The following KLHL2 variants were observed in gnomAD, a reference collection of about 807,000 sequenced individuals.
The protein encoded by KLHL2 is kelch-like protein 2.
In KLHL2, 15 loss-of-function variants were observed where a neutral mutation model predicts 75.8. The observed-to-expected ratio is 0.20, with a 90% CI of 0.13 to 0.30. KLHL2 has a LOEUF of 0.30. Among genes scored for constraint, KLHL2 ranks in the 10% least tolerant of loss-of-function variants. The probability of loss-of-function intolerance (pLI) is 1.00; values close to 1 mark genes in which losing one functional copy is unlikely to be tolerated. For missense variants in KLHL2, 381 were observed against 741.0 expected (o/e 0.51, Z 5.64); for synonymous variants, 214 against 251.9 (o/e 0.85, Z 1.42).
intron 4 of KLHL2, among the ~76,000 whole-genome samples, chr4:165,261,952 T>C (rs1455764724): frequency 1.3e-5 from 2 of 152,244 alleles, no homozygotes; most frequent in Admixed American, 1.3e-4. Flanking sequence ...TTCTAAAATT[T>C]ACCATTGTTC....
chr4:165,294,148 C>G (rs189730252), intron 5 of KLHL2, among the ~76,000 whole-genome samples: 1 of 152,192 alleles, frequency 6.6e-6, no homozygotes, highest in African/African-American at 2.4e-5. Context: ...TGCACTGCTA[C>G]TGTGCTGTTG....
At chr4:165,291,387 AT>A (rs1744494758) in intron 5 of KLHL2, among the ~76,000 whole-genome samples, 1 of 152,052 alleles carries the variant, frequency 6.6e-6, no homozygotes, top group South Asian at 2.1e-4. Flanking sequence ...TTGATGTTGT[AT>A]CTAAAAAGTC....
At chr4:165,263,644 C>T (rs759432590) in intron 5 of KLHL2, among the ~76,000 whole-genome samples, 10 of 150,406 alleles carry the variant, frequency 6.6e-5, no homozygotes, top group Non-Finnish European at 1.5e-4. Context: ...TGCCCTGTCA[C>T]CCAGGCTGCG....
chr4:165,268,467 G>T (rs142653933), intron 5 of KLHL2, among the ~76,000 whole-genome samples: 2 of 151,952 alleles, frequency 1.3e-5, no homozygotes, highest in Non-Finnish European at 1.5e-5. Context: ...TAAATTTCCC[G>T]CTACACACTG....
In KLHL2 at chr4:165,322,786, G is replaced by A. The variant is rs547449498; in HGVS notation, c.*726G>A. On this transcript the variant is annotated 3_prime_UTR_variant, in exon 15 of 15. Coordinates refer to ENST00000226725, the MANE Select transcript of KLHL2 (RefSeq NM_007246.4). ...TGGTGTAACACACTTGAATATGTGT[G>A]ATGCCAAACTTTTTAAAATACAATA... 1 of 152,668 alleles carries A rather than the reference G, an allele frequency of 6.6e-6. No individual in the cohort carries two copies. The highest frequency in any genetic ancestry group is 2.4e-5 in the African/African-American group (1 of 41,542). 9.5% of individuals were successfully genotyped at this position (152,668 alleles called of 1,614,324 possible).
intron 3 of KLHL2, among the ~76,000 whole-genome samples, chr4:165,229,762 G>A: frequency 6.6e-6 from 1 of 152,214 alleles, no homozygotes; most frequent in East Asian, 1.9e-4. Flanking sequence ...TCACAGCAGT[G>A]GTCAGACGTT....
At chr4:165,270,784 C>A (rs1311550340) in intron 5 of KLHL2, among the ~76,000 whole-genome samples, 2 of 152,106 alleles carry the variant, frequency 1.3e-5, no homozygotes, top group Non-Finnish European at 1.5e-5. Context: ...AGGTCAGGGA[C>A]CCACTTGAGG....
chr4:165,253,138 G>A (rs1740877602), intron 4 of KLHL2, among the ~76,000 whole-genome samples: 1 of 152,076 alleles, frequency 6.6e-6, no homozygotes, highest in South Asian at 2.1e-4. Flanking sequence ...GGGTTCAGGC[G>A]ATTCTCTTGC....
At chr4:165,242,179 G>T (rs1739869266) in intron 4 of KLHL2, among the ~76,000 whole-genome samples, 1 of 151,562 alleles carries the variant, frequency 6.6e-6, no homozygotes, top group Non-Finnish European at 1.5e-5. Flanking sequence ...CAACTTTTTT[G>T]TTGTTGTTGC....
chr4:165,274,346 A>G (rs1742912299), intron 5 of KLHL2, among the ~76,000 whole-genome samples: 1 of 152,150 alleles, frequency 6.6e-6, no homozygotes, highest in South Asian at 2.1e-4. Context: ...GCAGTGGCTC[A>G]TGCCTGTAAT....
intron 5 of KLHL2, among the ~76,000 whole-genome samples, chr4:165,274,601 T>C (rs965613459): frequency 1.5e-5 from 2 of 132,780 alleles, no homozygotes; most frequent in Non-Finnish European, 1.6e-5. Flanking sequence ...AGAGTGAGAC[T>C]ACGTCTCAAA....
intron 10 of KLHL2, 64 bp from the exon 11 acceptor site, chr4:165,311,400 C>G: frequency 8.7e-7 from 1 of 1,147,012 alleles, no homozygotes; most frequent in Non-Finnish European, 1.3e-6. Flanking sequence ...AAGTATTTTT[C>G]CATATATATG....
chr4:165,254,423 G>A lies in KLHL2; in HGVS notation c.382-8774G>A, dbSNP rs55928856. On this transcript the variant is annotated intron_variant, in intron 4 of 14. Transcript: ENST00000226725. Reference sequence around the variant, plus strand: ...TAATGCTAAAGTAAAAGTCATTTACGTATCTTATTCCATTTTTTGGACTTT... The same window carrying A: ...TAATGCTAAAGTAAAAGTCATTTACATATCTTATTCCATTTTTTGGACTTT... Among the ~76,000 whole-genome samples the A allele has an allele frequency of 3.7e-3, 569 of 151,846 alleles. 1 individual carries two copies. Among genetic ancestry groups the A allele is most frequent in the Non-Finnish European group, 6.0e-3 (408 of 67,906 alleles).
intron 9 of KLHL2, among the ~76,000 whole-genome samples, chr4:165,307,833 A>G (rs1300790767): frequency 6.6e-6 from 1 of 152,198 alleles, no homozygotes; most frequent in Admixed American, 6.5e-5. Context: ...TTTATTTATA[A>G]ATATATGTAT....
intron 5 of KLHL2, among the ~76,000 whole-genome samples, chr4:165,264,712 ATATATATACATATATATATATATATATG>A (rs1430838003): frequency 0.14 from 10,778 of 75,866 alleles, 679 homozygotes; most frequent in Non-Finnish European, 0.2. Context: ...GTGTATATAT[ATATATATACATATATATATATATATATG>A]TATATATATA....
At chr4:165,265,060 T>C (rs1367667692) in intron 5 of KLHL2, among the ~76,000 whole-genome samples, 1 of 151,956 alleles carries the variant, frequency 6.6e-6, no homozygotes, top group Non-Finnish European at 1.5e-5. Flanking sequence ...CTTTTAATAA[T>C]AGCTATTCTG....
In KLHL2 at chr4:165,322,719, A is replaced by T. The variant is rs1453236279; in HGVS notation, c.*659A>T. ...ACAGAGTTGTATTTTTTGATATTTA[A>T]CAATGCTTAACACTTTAAATGCCAC... On this transcript the variant is annotated 3_prime_UTR_variant, in exon 15 of 15. Coordinates refer to ENST00000226725, the MANE Select transcript of KLHL2 (RefSeq NM_007246.4). 6.6e-6 allele frequency: 1 copy of T among 152,658 alleles called. No homozygotes were observed. 9.5% of individuals were successfully genotyped at this position (152,658 alleles called of 1,614,324 possible). A position where few individuals can be genotyped will look rare whatever the true frequency, so the allele number is the denominator to read the frequency against.
chr4:165,303,494 G>GCC (rs35038980), intron 8 of KLHL2, among the ~76,000 whole-genome samples: 1,613 of 113,382 alleles, frequency 0.014, 118 homozygotes, highest in African/African-American at 0.043. Flanking sequence ...TTACAACCTT[G>GCC]CCCCCCCCGC....
intron 11 of KLHL2, among the ~76,000 whole-genome samples, chr4:165,311,843 GTGTTTGACTTATATAAC>G: frequency 2.1e-5 from 3 of 145,224 alleles, no homozygotes; most frequent in Admixed American, 7.0e-5. Context: ...GTGTGTGTGT[GTGTTTGACTTATATAAC>G]TGTGTGTGTT....
Sources: allele counts gnomAD v4.1 joint callset (sites outside exome capture counted in the v4.1 genomes callset), GRCh38; gene constraint gnomAD v4.1.1; transcripts MANE v1.5; gene names NCBI Gene and HGNC (gene_info 2026-07-23, HGNC 2026-07-21).